The following ATP2B1 variants were observed in gnomAD, a reference collection of about 807,000 sequenced individuals.
ATP2B1 encodes plasma membrane calcium-transporting ATPase 1.
In ATP2B1, 14 loss-of-function variants were observed where a neutral mutation model predicts 124.2. The ratio of observed to expected loss-of-function variants is 0.11; its 90% confidence interval spans 0.07 to 0.18. The LOEUF (loss-of-function observed/expected upper bound fraction) is 0.18. Ranked by LOEUF, ATP2B1 falls within the 10% of genes least tolerant of loss-of-function variation. The pLI, the probability that ATP2B1 is intolerant of heterozygous loss-of-function variation, is 1.00. For synonymous variants in ATP2B1, 449 were observed against 492.4 expected (o/e 0.91, Z 1.17); for missense variants, 763 against 1,466.1 (o/e 0.52, Z 7.83).
chr12:89,683,246 G>T (rs1377439956), intron 1 of ATP2B1, among the ~76,000 whole-genome samples: 1 of 152,084 alleles, frequency 6.6e-6, no homozygotes, highest in African/African-American at 2.4e-5. Context: ...TTAAAACTTA[G>T]TCACAATTTT....
chr12:89,629,807 G>A (rs141587109), intron 6 of ATP2B1, among the ~76,000 whole-genome samples: 3 of 152,202 alleles, frequency 2.0e-5, no homozygotes, highest in Non-Finnish European at 1.5e-5. Flanking sequence ...TGAGTGTGAA[G>A]GAAGGGTGGT....
intron 6 of ATP2B1, 132 bp downstream of exon 6, chr12:89,630,373 G>T: frequency 1.3e-6 from 1 of 799,280 alleles, no homozygotes; most frequent in Non-Finnish European, 1.8e-6. Flanking sequence ...ATGCTATTAA[G>T]TCTAATAGAA....
In ATP2B1 at chr12:89,661,974, A is replaced by C. The variant is rs971398789; in HGVS notation, c.-221-5867T>G. On this transcript the variant is annotated intron_variant, in intron 1 of 20. Transcript: ENST00000428670. ...TTCTCAATCAGTGTGGACAAGCTGA[A>C]ACTTAGCACTGCAAATGTCCTATAG... Among the ~76,000 whole-genome samples, 4 of 152,188 alleles carry C rather than the reference A, an allele frequency of 2.6e-5. No homozygotes were observed. The East Asian group carries it at 7.7e-4, about 29-fold the overall frequency.
intron 1 of ATP2B1, among the ~76,000 whole-genome samples, chr12:89,678,697 C>T (rs1888977563): frequency 6.6e-6 from 1 of 152,180 alleles, no homozygotes; most frequent in Non-Finnish European, 1.5e-5. Flanking sequence ...GCAATTGAAC[C>T]TGTATACTGC....
chr12:89,661,741 T>C (rs1334200770), intron 1 of ATP2B1, among the ~76,000 whole-genome samples: 1 of 152,202 alleles, frequency 6.6e-6, no homozygotes, highest in Admixed American at 6.5e-5. Context: ...TCATTGTGTG[T>C]TTTTTTCTTT....
chr12:89,605,537 C>CTCT, intron 15 of ATP2B1, among the ~76,000 whole-genome samples: 1 of 152,158 alleles, frequency 6.6e-6, no homozygotes, highest in Non-Finnish European at 1.5e-5. Flanking sequence ...GGCACCCTGG[C>CTCT]TCTTGGATTT....
intron 1 of ATP2B1, among the ~76,000 whole-genome samples, chr12:89,700,708 C>A (rs1344804922): frequency 2.6e-5 from 4 of 152,146 alleles, no homozygotes; most frequent in Non-Finnish European, 5.9e-5. Context: ...CTACCAAAAC[C>A]ACTCCTGTGC....
chr12:89,621,492 A>T, intron 10 of ATP2B1, 57 bp downstream of exon 10: 3 of 1,339,420 alleles, frequency 2.2e-6, no homozygotes, highest in Non-Finnish European at 3.0e-6. Flanking sequence ...ACTTACATAT[A>T]GTCTGATCAT....
At chr12:89,682,046 T>C (rs893730974) in intron 1 of ATP2B1, among the ~76,000 whole-genome samples, 2 of 151,960 alleles carry the variant, frequency 1.3e-5, no homozygotes, top group African/African-American at 4.8e-5. Context: ...AACAACTAAA[T>C]ATAAAAATCA....
At chr12:89,694,858 A>C (rs1169750313) in intron 1 of ATP2B1, among the ~76,000 whole-genome samples, 1 of 152,052 alleles carries the variant, frequency 6.6e-6, no homozygotes, top group Non-Finnish European at 1.5e-5. Flanking sequence ...GGAGTTTGAG[A>C]CCAGCCTGGG....
intron 3 of ATP2B1, chr12:89,641,688 A>G (rs1883528819): frequency 6.5e-6 from 1 of 153,340 alleles, no homozygotes; most frequent in Admixed American, 6.5e-5. Context: ...GACATTTTCC[A>G]TAATGGCAAG....
In ATP2B1 at chr12:89,699,580, CTT is replaced by C. The variant is rs1457821858; in HGVS notation, c.-222+9014_-222+9015del. ...AGAGAGAAAAATCAAAACCCCCTGA[CTT>C]TGTACTTTTTGAGGAGTTAAAGAAA... On this transcript the variant is annotated intron_variant, in intron 1 of 20. Coordinates refer to ENST00000428670, the MANE Select transcript of ATP2B1 (RefSeq NM_001366521.1). 7.9e-5 allele frequency among the ~76,000 whole-genome samples: 12 copies of C among 152,282 alleles called. No individual in the cohort carries two copies. The East Asian group carries it at 2.3e-3, about 29-fold the overall frequency.
rs143699242 is a variant in ATP2B1 at position 89,602,151 on chromosome 12, G to T, written c.3061-718C>A. Among the ~76,000 whole-genome samples the T allele has an allele frequency of 2.9e-3, 445 of 152,296 alleles. 1 individual carries two copies. Among genetic ancestry groups the T allele is most frequent in the Non-Finnish European group, 5.2e-3 (356 of 68,020 alleles). On this transcript the variant is annotated intron_variant, in intron 18 of 20. Coordinates refer to ENST00000428670, the MANE Select transcript of ATP2B1 (RefSeq NM_001366521.1). ...ATGGAAATATTAAGAATTAACTGGGGTTGGGTGTGGTGACTCATACCTGTA... is the reference window on the plus strand; with the variant it reads ...ATGGAAATATTAAGAATTAACTGGGTTTGGGTGTGGTGACTCATACCTGTA...
intron 1 of ATP2B1, among the ~76,000 whole-genome samples, chr12:89,695,069 A>AAAAAAC (rs1890987467): frequency 6.6e-6 from 1 of 151,466 alleles, no homozygotes; most frequent in South Asian, 2.1e-4. Context: ...AAAAAAAAAA[A>AAAAAAC]AAGAAAAGAA....
chr12:89,614,482 C>T (rs1878604152), intron 12 of ATP2B1, among the ~76,000 whole-genome samples: 1 of 152,232 alleles, frequency 6.6e-6, no homozygotes, highest in Non-Finnish European at 1.5e-5. Context: ...AATCTCTCAA[C>T]AGGCTGCTGT....
chr12:89,658,729 G>T (rs920164527), intron 1 of ATP2B1, among the ~76,000 whole-genome samples: 5 of 151,430 alleles, frequency 3.3e-5, no homozygotes, highest in African/African-American at 4.9e-5. Flanking sequence ...TCCCATCACT[G>T]ATCTTTTCCG....
At chr12:89,665,134 T>C (rs1887157193) in intron 1 of ATP2B1, among the ~76,000 whole-genome samples, 1 of 152,224 alleles carries the variant, frequency 6.6e-6, no homozygotes, top group African/African-American at 2.4e-5. Context: ...CGGCCTATTA[T>C]GCTATTCTTG....
chr12:89,682,811 C>T (rs1889517722), intron 1 of ATP2B1, among the ~76,000 whole-genome samples: 1 of 152,124 alleles, frequency 6.6e-6, no homozygotes, highest in South Asian at 2.1e-4. Flanking sequence ...ACTTAAAAAT[C>T]AGAGGTATTA....
intron 2 of ATP2B1, among the ~76,000 whole-genome samples, chr12:89,646,444 C>T (rs1179147045): frequency 6.6e-6 from 1 of 152,010 alleles, no homozygotes; most frequent in Non-Finnish European, 1.5e-5. Context: ...AAGAGGAGCC[C>T]AAGGCACCTA....
Sources: gnomAD v4.1 joint callset for allele counts (sites outside exome capture counted in the v4.1 genomes callset) on GRCh38, gnomAD v4.1.1 for gene constraint, MANE v1.5 for transcripts, NCBI Gene and HGNC (gene_info 2026-07-23, HGNC 2026-07-21) for gene names.